Variants in ACOD1 observed in about 807,000 individuals in gnomAD.
ACOD1 encodes the protein cis-aconitate decarboxylase.
In ACOD1, 14 loss-of-function variants were observed where a neutral mutation model predicts 14.2. The observed-to-expected ratio is 0.99, with a 90% CI of 0.65 to 1.54. The LOEUF is 1.54. Ranked by LOEUF, ACOD1 falls within the 40% of genes most tolerant of loss-of-function variation. The pLI is 0.00. For synonymous variants in ACOD1, 182 were observed against 221.7 expected (o/e 0.82, Z 1.59); for missense variants, 530 against 586.3 (o/e 0.90, Z 0.99).
intron 3 of ACOD1, among the ~76,000 whole-genome samples, chr13:76,954,420 G>A (rs2137747657): frequency 6.6e-6 from 1 of 152,184 alleles, no homozygotes; most frequent in South Asian, 2.1e-4. Flanking sequence ...TAAAGAAAAA[G>A]AAAATGGCTA....
In ACOD1 at chr13:76,958,115, ATAT is replaced by A. The variant is rs1566207741; in HGVS notation, c.*131_*133del. ...GGAGAGAGTCCAGAAACAGAACTAC[ATAT>A]ATCTGGAAGGAGCCTTCTCCTGAAA... On this transcript the variant is annotated 3_prime_UTR_variant, in exon 5 of 5. Coordinates refer to ENST00000377462, the MANE Select transcript of ACOD1 (RefSeq NM_001258406.2). 1 of 910,138 alleles carries A rather than the reference ATAT, an allele frequency of 1.1e-6. No homozygotes were observed. The highest frequency in any genetic ancestry group is 1.6e-6 in the Non-Finnish European group (1 of 634,192). The allele number at this position is 910,138 out of a possible 1,614,324, so 56.4% of individuals were successfully genotyped here. A position where few individuals can be genotyped will look rare whatever the true frequency, so the allele number is the denominator to read the frequency against.
In ACOD1 at chr13:76,958,211, A is replaced by T. The variant is rs1460210802; in HGVS notation, c.*226A>T. ...CACACACAAAAATGAGTTTGTAAGC[A>T]TTCACAAGGGTGAAATTCAACTCAC... On this transcript the variant is annotated 3_prime_UTR_variant, in exon 5 of 5. Transcript: ENST00000377462. The T allele has an allele frequency of 4.4e-6, 2 of 455,468 alleles. No individual in the cohort carries two copies. The highest frequency in any genetic ancestry group is 7.1e-5 in the East Asian group (2 of 28,200). The allele number at this position is 455,468 out of a possible 1,614,324, so 28.2% of individuals were successfully genotyped here.
chr13:76,955,530 G>C lies in ACOD1; in HGVS notation c.470+6G>C. 1 of 1,549,642 alleles carries C rather than the reference G, an allele frequency of 6.5e-7. No individual in the cohort carries two copies. On this transcript the variant is annotated splice_donor_region_variant and intron_variant, in intron 4 of 4. Transcript: ENST00000377462. ...GCCAATGACATGCCAAAGAGGTATG[G>C]AGAGAATTTGCCCCATCAAAAGGTA...
chr13:76,956,468 G>A (rs748318370), intron 4 of ACOD1, among the ~76,000 whole-genome samples: 2 of 152,074 alleles, frequency 1.3e-5, no homozygotes, highest in Non-Finnish European at 2.9e-5. Flanking sequence ...CCAAAGTGCT[G>A]GGATTACAGG....
intron 1 of ACOD1, among the ~76,000 whole-genome samples, chr13:76,951,944 A>G (rs2033825835): frequency 6.6e-6 from 1 of 152,214 alleles, no homozygotes; most frequent in Non-Finnish European, 1.5e-5. Flanking sequence ...TTACACCTAT[A>G]GGGGTTTATG....
intron 2 of ACOD1, among the ~76,000 whole-genome samples, chr13:76,953,389 G>A (rs1362473475): frequency 6.6e-6 from 1 of 152,160 alleles, no homozygotes; most frequent in Non-Finnish European, 1.5e-5. Flanking sequence ...TCATGATCTA[G>A]GATCAAGCAA....
Position 76,955,418 on chromosome 13 carries a change from A to G in ACOD1, c.364A>G (p.Ser122Gly). ...AGCTTTAGCAGAAGCCCTGCCAAGG[A>G]GTCCAAAGTTTTCTGGCCTTGACCT... Reference protein sequence around the residue: ...LTALAEALPRSPKFSGLDLLL... With the variant: ...LTALAEALPRGPKFSGLDLLL... Residue 122 changes from serine (S) to glycine (G), a missense_variant, in exon 4 of 5, where the codon AGT becomes GGT. Coordinates refer to ENST00000377462, the MANE Select transcript of ACOD1 (RefSeq NM_001258406.2). The G allele has an allele frequency of 1.3e-6, 2 of 1,550,616 alleles. No homozygotes were observed. The highest frequency in any genetic ancestry group is 1.7e-6 in the Non-Finnish European group (2 of 1,146,996).
At chr13:76,955,193 G>A in intron 3 of ACOD1, 126 bp from the exon 4 acceptor site, 5 of 544,410 alleles carry the variant, frequency 9.2e-6, no homozygotes, top group South Asian at 3.7e-5. Flanking sequence ...TCTTTTCTGA[G>A]AATCAGATCA....
Position 76,953,618 on chromosome 13 carries a change from T to C in ACOD1, c.193T>C (p.Ser65Pro). Residue 65 changes from serine (S) to proline (P), a missense_variant, in exon 3 of 5, where the codon TCC becomes CCC. Physicochemically the swap from Ser to Pro is moderately conservative, Grantham distance 74. Transcript: ENST00000377462. ...QYSKIYSSNI[S>P]STVWGQPDIR... ...GTTCCAGATCTACAGTTCCAACATATCCAGCACTGTTTGGGGTCAGCCAGA... is the reference window on the plus strand; with the variant it reads ...GTTCCAGATCTACAGTTCCAACATACCCAGCACTGTTTGGGGTCAGCCAGA... The C allele has an allele frequency of 6.5e-7, 1 of 1,548,108 alleles. No homozygotes were observed. Among genetic ancestry groups the C allele is most frequent in the Non-Finnish European group, 8.7e-7 (1 of 1,144,536 alleles).
At chr13:76,956,701 C>T (rs1483723371) in intron 4 of ACOD1, among the ~76,000 whole-genome samples, 1 of 151,950 alleles carries the variant, frequency 6.6e-6, no homozygotes, top group African/African-American at 2.4e-5. Flanking sequence ...TTAGTAGAGT[C>T]AGTGTTTTGC....
chr13:76,956,396 T>C (rs1413109055), intron 4 of ACOD1, among the ~76,000 whole-genome samples: 1 of 151,914 alleles, frequency 6.6e-6, no homozygotes, highest in Non-Finnish European at 1.5e-5. Context: ...GAGACGGGGT[T>C]TCGTCATGTT....
intron 4 of ACOD1, among the ~76,000 whole-genome samples, chr13:76,956,006 G>A (rs1435669883): frequency 6.6e-6 from 1 of 152,170 alleles, no homozygotes; most frequent in Non-Finnish European, 1.5e-5. Context: ...ACTAGGTAGT[G>A]AAGTTTCAGT....
At chr13:76,955,229 A>G (rs1289679434) in intron 3 of ACOD1, 90 bp from the exon 4 acceptor site, 7 of 793,830 alleles carry the variant, frequency 8.8e-6, no homozygotes, top group African/African-American at 3.5e-5. Context: ...AAACAAGGTT[A>G]TTACTAAACT....
intron 1 of ACOD1, among the ~76,000 whole-genome samples, chr13:76,952,253 C>T (rs2033829086): frequency 6.6e-6 from 1 of 152,100 alleles, no homozygotes; most frequent in Non-Finnish European, 1.5e-5. Flanking sequence ...TGCTGCCCCT[C>T]AACTCAACTG....
At chr13:76,951,668 A>G (rs1002549127) in intron 1 of ACOD1, among the ~76,000 whole-genome samples, 2 of 152,204 alleles carry the variant, frequency 1.3e-5, no homozygotes, top group African/African-American at 4.8e-5. Context: ...AATTTGCTGC[A>G]TTTCAAGTGC....
At chr13:76,955,969 C>T (rs2033871339) in intron 4 of ACOD1, among the ~76,000 whole-genome samples, 1 of 152,300 alleles carries the variant, frequency 6.6e-6, no homozygotes, top group South Asian at 2.1e-4. Flanking sequence ...CTTGCTCCAG[C>T]CTGCCAGGAG....
chr13:76,954,520 C>A (rs942140291), intron 3 of ACOD1, among the ~76,000 whole-genome samples: 2 of 152,092 alleles, frequency 1.3e-5, no homozygotes, highest in Non-Finnish European at 2.9e-5. Flanking sequence ...AGTTATTGTG[C>A]TATTCTTACA....
At position 76,957,756 on chromosome 13, in the gene ACOD1, A is replaced by G. The variant is rs942035639; in HGVS notation, c.1217A>G (p.Tyr406Cys). 1.3e-6 allele frequency: 2 copies of G among 1,550,596 alleles called. No homozygotes were observed. Among genetic ancestry groups the G allele is most frequent in the Admixed American group, 2.0e-5 (1 of 50,986 alleles). The change falls in exon 5 of 5, where the codon TAT becomes TGT. Residue 406 changes from tyrosine to cysteine, a missense_variant. Transcript: ENST00000377462. ...TTCACAGATCGCTCTGATACCTTCT[A>G]TGGGCACTGGAGAAAACCACTGAGC... ...ATFTDRSDTF[Y>C]GHWRKPLSQE...
Position 76,957,303 on chromosome 13 carries a change from C to T in ACOD1, c.764C>T (p.Pro255Leu). ...FYANYSPKVLPSIASYSWLLD... is the reference protein window; with the variant it reads ...FYANYSPKVLLSIASYSWLLD... Reference sequence around the variant, plus strand: ...GCCAACTATTCCCCAAAAGTCCTTCCAAGCATAGCTTCCTACAGTTGGCTG... The same window carrying T: ...GCCAACTATTCCCCAAAAGTCCTTCTAAGCATAGCTTCCTACAGTTGGCTG... Residue 255 changes from proline (P) to leucine (L), a missense_variant, in exon 5 of 5, where the codon CCA (proline) becomes CTA (leucine). By Grantham distance (98) the Pro-to-Leu change is moderately conservative. Transcript: ENST00000377462. 6.4e-7 allele frequency: 1 copy of T among 1,550,634 alleles called. No individual in the cohort carries two copies. The highest frequency in any genetic ancestry group is 8.7e-7 in the Non-Finnish European group (1 of 1,146,992).
Sources: gnomAD v4.1 joint callset for allele counts (sites outside exome capture counted in the v4.1 genomes callset) on GRCh38, gnomAD v4.1.1 for gene constraint, MANE v1.5 for transcripts, NCBI Gene and HGNC (gene_info 2026-07-23, HGNC 2026-07-21) for gene names.